TTLL11: variants seen among roughly 807,000 people sequenced by gnomAD.
TTLL11 encodes tubulin tyrosine ligase like 11.
TTLL11 carries 42 observed loss-of-function variants against 51.7 expected under a neutral mutation model. That is an observed-to-expected ratio of 0.81 (90% CI 0.64 to 1.05). The LOEUF is 1.05. Among genes scored for constraint, TTLL11 ranks in the 50% least tolerant of loss-of-function variants. The pLI is 0.00. For synonymous variants in TTLL11, 381 were observed against 383.5 expected, an observed-to-expected ratio of 0.99 and a Z score of 0.08; for missense variants, 799 against 940.4, an observed-to-expected ratio of 0.85 and a Z score of 1.97.
At chr9:122,010,928 T>C (rs986038377) in intron 3 of TTLL11, among the ~76,000 whole-genome samples, 1 of 152,202 alleles carries the variant, frequency 6.6e-6, no homozygotes, top group African/African-American at 2.4e-5. Flanking sequence ...ATGCGTAAGC[T>C]TGGGCATGGC....
At chr9:121,837,615 A>T (rs1837217391) in intron 8 of TTLL11, among the ~76,000 whole-genome samples, 1 of 152,142 alleles carries the variant, frequency 6.6e-6, no homozygotes, top group Admixed American at 6.5e-5. Context: ...GAATGCCACC[A>T]TCTGCCATCA....
intron 1 of TTLL11, among the ~76,000 whole-genome samples, chr9:122,053,283 GA>G (rs1845209231): frequency 6.6e-6 from 1 of 152,178 alleles, no homozygotes; most frequent in Non-Finnish European, 1.5e-5. Flanking sequence ...GTCTAGATGA[GA>G]AAAGCTTAAC....
chr9:121,876,325 G>C (rs142149867), intron 6 of TTLL11, among the ~76,000 whole-genome samples: 57 of 152,352 alleles, frequency 3.7e-4, no homozygotes, highest in Middle Eastern at 3.4e-3. Context: ...GAAGTTGCTT[G>C]AGTTAATTTC....
chr9:121,962,444 A>G (rs1366777262), intron 6 of TTLL11, among the ~76,000 whole-genome samples: 2 of 152,086 alleles, frequency 1.3e-5, no homozygotes, highest in African/African-American at 4.8e-5. Context: ...GCCTACTTAT[A>G]TATTCTTACT....
At chr9:121,838,667 T>C (rs1035785028) in intron 8 of TTLL11, among the ~76,000 whole-genome samples, 1 of 151,922 alleles carries the variant, frequency 6.6e-6, no homozygotes, top group Non-Finnish European at 1.5e-5. Flanking sequence ...TGCAGTGAGC[T>C]GAGATTGTGC....
At chr9:121,849,506 T>C (rs1837605831) in intron 8 of TTLL11, among the ~76,000 whole-genome samples, 3 of 152,172 alleles carry the variant, frequency 2.0e-5, no homozygotes, top group African/African-American at 7.2e-5. Context: ...AATATATATC[T>C]GATAAAGAAC....
chr9:121,920,070 G>A (rs1422871105), intron 6 of TTLL11, among the ~76,000 whole-genome samples: 1 of 152,074 alleles, frequency 6.6e-6, no homozygotes, highest in Admixed American at 6.5e-5. Context: ...GGGAGACTGA[G>A]GTGGGCAGAT....
chr9:122,083,634 AC>A (rs1254342649), intron 1 of TTLL11, among the ~76,000 whole-genome samples: 2 of 151,956 alleles, frequency 1.3e-5, no homozygotes, highest in Admixed American at 6.6e-5. Context: ...ACATGGTGAA[AC>A]CCCGTCTCTA....
At chr9:122,075,963 ATTAT>A (rs1453668482) in intron 1 of TTLL11, among the ~76,000 whole-genome samples, 1 of 152,154 alleles carries the variant, frequency 6.6e-6, no homozygotes, top group Non-Finnish European at 1.5e-5. Context: ...CTCTAGAACC[ATTAT>A]TGATTCCACA....
At chr9:121,994,579 C>A (rs144360483) in intron 3 of TTLL11, among the ~76,000 whole-genome samples, 2,981 of 152,242 alleles carry the variant, frequency 0.02, 36 homozygotes, top group Middle Eastern at 0.041. Context: ...TGAACCCAGG[C>A]AGGCAGATTC....
chr9:122,003,611 A>G (rs1843552009), intron 3 of TTLL11, among the ~76,000 whole-genome samples: 1 of 149,004 alleles, frequency 6.7e-6, no homozygotes, highest in African/African-American at 2.5e-5. Context: ...CAGCCTCCTG[A>G]GCAACTGAGA....
chr9:121,873,280 G>A (rs1838422598), intron 6 of TTLL11, among the ~76,000 whole-genome samples: 2 of 152,116 alleles, frequency 1.3e-5, no homozygotes, highest in African/African-American at 4.8e-5. Context: ...GCTTGGCAAG[G>A]TGTTGCACCT....
intron 8 of TTLL11, among the ~76,000 whole-genome samples, chr9:121,825,771 G>A: frequency 6.6e-6 from 1 of 151,458 alleles, no homozygotes; most frequent in Admixed American, 6.6e-5. Context: ...ACAAATGTCA[G>A]TTTCGTTCCC....
intron 8 of TTLL11, among the ~76,000 whole-genome samples, chr9:121,836,931 C>A (rs1206275368): frequency 6.6e-6 from 1 of 152,188 alleles, no homozygotes; most frequent in Non-Finnish European, 1.5e-5. Context: ...ATGCTGTTTG[C>A]AATTTCTGGC....
At chr9:122,040,748 G>A (rs1844825832) in intron 1 of TTLL11, among the ~76,000 whole-genome samples, 2 of 152,094 alleles carry the variant, frequency 1.3e-5, no homozygotes, top group South Asian at 2.1e-4. Flanking sequence ...ATTTAAATCA[G>A]TCACATTATT....
intron 4 of TTLL11, among the ~76,000 whole-genome samples, chr9:121,982,783 G>T (rs1588174706): frequency 6.6e-6 from 1 of 151,934 alleles, no homozygotes; most frequent in Non-Finnish European, 1.5e-5. Context: ...CCAGGGAGAG[G>T]GAACAGCAAG....
chr9:122,091,020 G>A (rs1367427952), intron 1 of TTLL11, among the ~76,000 whole-genome samples: 1 of 152,162 alleles, frequency 6.6e-6, no homozygotes, highest in Non-Finnish European at 1.5e-5. Context: ...CACATCTTAA[G>A]TATGTTTGGT....
At chr9:121,871,795 C>T (rs985014241) in intron 6 of TTLL11, among the ~76,000 whole-genome samples, 1 of 152,204 alleles carries the variant, frequency 6.6e-6, no homozygotes, top group Non-Finnish European at 1.5e-5. Context: ...GTGTGCTGCT[C>T]CTCCCAACCT....
At chr9:121,898,796 G>A (rs1839642426) in intron 6 of TTLL11, among the ~76,000 whole-genome samples, 1 of 152,216 alleles carries the variant, frequency 6.6e-6, no homozygotes, top group South Asian at 2.1e-4. Flanking sequence ...TAAGACTACA[G>A]CCACATACAT....
Sources: allele counts gnomAD v4.1 joint callset (sites outside exome capture counted in the v4.1 genomes callset), GRCh38; gene constraint gnomAD v4.1.1; transcripts MANE v1.5; gene names NCBI Gene and HGNC (gene_info 2026-07-23, HGNC 2026-07-21).